BICC1: variants seen among roughly 807,000 people sequenced by gnomAD.
BICC1 encodes BicC family RNA binding protein 1, also known as protein bicaudal C homolog 1.
BICC1 carries 43 observed loss-of-function variants against 111.0 expected under a neutral mutation model. The observed-to-expected ratio is 0.39, with a 90% CI of 0.30 to 0.50. The LOEUF is 0.50. Ranked by LOEUF, BICC1 falls within the 20% of genes least tolerant of loss-of-function variation. BICC1 has a pLI of 0.88. For synonymous variants in BICC1, 467 were observed against 434.4 expected (o/e 1.07, Z -0.93); for missense variants, 1,091 against 1,203.2 (o/e 0.91, Z 1.38).
Position 58,549,513 on chromosome 10 carries a change from CA to C in BICC1, c.190+36181del, listed in dbSNP as rs538258265. Among the ~76,000 whole-genome samples, 17 of 152,054 alleles carry C rather than the reference CA, an allele frequency of 1.1e-4. No individual in the cohort carries two copies. In the South Asian group the frequency reaches 3.5e-3, roughly 32 times the overall value. On this transcript the variant is annotated intron_variant, in intron 1 of 20. Transcript: ENST00000373886. ...TTTTAATAGATGTCTAGTAGTATCT[CA>C]TCATTTTAATTTGTATTTCCCTAAT...
At chr10:58,603,808 T>A (rs1845120547) in intron 1 of BICC1, among the ~76,000 whole-genome samples, 1 of 152,180 alleles carries the variant, frequency 6.6e-6, no homozygotes, top group African/African-American at 2.4e-5. Flanking sequence ...AATAACATTC[T>A]GTTCGTTCAA....
At chr10:58,664,969 A>G (rs1564540710) in intron 2 of BICC1, among the ~76,000 whole-genome samples, 1 of 152,148 alleles carries the variant, frequency 6.6e-6, no homozygotes, top group South Asian at 2.1e-4. Context: ...ATTGAGCTTA[A>G]TATGAGTCCC....
chr10:58,763,687 C>A (rs941954666), intron 3 of BICC1, among the ~76,000 whole-genome samples: 3 of 151,934 alleles, frequency 2.0e-5, no homozygotes, highest in South Asian at 2.1e-4. Context: ...CTGTGGAGAT[C>A]CCCATTGCAC....
At chr10:58,651,989 G>A (rs1838464186) in intron 2 of BICC1, among the ~76,000 whole-genome samples, 1 of 152,066 alleles carries the variant, frequency 6.6e-6, no homozygotes, top group South Asian at 2.1e-4. Context: ...ACCACCCAGA[G>A]GGCCATTCCA....
At chr10:58,665,802 GC>G (rs1293868109) in intron 2 of BICC1, among the ~76,000 whole-genome samples, 6 of 152,084 alleles carry the variant, frequency 3.9e-5, no homozygotes, top group Non-Finnish European at 7.4e-5. Flanking sequence ...GCAAATGCTG[GC>G]TCTAGCCCTA....
chr10:58,758,536 C>T (rs1324368064), intron 3 of BICC1, among the ~76,000 whole-genome samples: 1 of 152,184 alleles, frequency 6.6e-6, no homozygotes, highest in South Asian at 2.1e-4. Context: ...AAAGGCAGTT[C>T]ACTGTTCTTC....
chr10:58,801,543 T>G (rs935671688), intron 14 of BICC1, among the ~76,000 whole-genome samples: 21 of 151,744 alleles, frequency 1.4e-4, no homozygotes, highest in African/African-American at 4.9e-4. Flanking sequence ...TATTAAATAT[T>G]AAATATAACT....
intron 20 of BICC1, among the ~76,000 whole-genome samples, chr10:58,822,118 T>G (rs1844267798): frequency 6.6e-6 from 1 of 152,166 alleles, no homozygotes; most frequent in Admixed American, 6.6e-5. Flanking sequence ...ATGAAATTTA[T>G]TTGCAGTTTG....
chr10:58,520,564 A>G lies in BICC1; in HGVS notation c.190+7231A>G, dbSNP rs77655315. Among the ~76,000 whole-genome samples, 778 of 152,250 alleles carry G rather than the reference A, an allele frequency of 5.1e-3. 12 individuals are homozygous for G. Among genetic ancestry groups the G allele is most frequent in the African/African-American group, 0.018 (731 of 41,546 alleles). On this transcript the variant is annotated intron_variant, in intron 1 of 20. Transcript: ENST00000373886. ...TGATGCTGGCATATAAAAAGATAAC[A>G]CTTTCTAGGTATCAGGTGGTTTCCC...
chr10:58,689,909 T>C (rs1427877885), intron 2 of BICC1, among the ~76,000 whole-genome samples: 1 of 152,192 alleles, frequency 6.6e-6, no homozygotes, highest in African/African-American at 2.4e-5. Flanking sequence ...GCTCATTAGG[T>C]GTTTTTTACC....
At chr10:58,816,705 T>C (rs1428707175) in intron 18 of BICC1, among the ~76,000 whole-genome samples, 1 of 151,672 alleles carries the variant, frequency 6.6e-6, no homozygotes, top group East Asian at 1.9e-4. Context: ...ATTATTGGTC[T>C]GGGAGGTGGA....
intron 1 of BICC1, among the ~76,000 whole-genome samples, chr10:58,546,356 T>G (rs969906222): frequency 6.6e-6 from 1 of 152,218 alleles, no homozygotes; most frequent in South Asian, 2.1e-4. Flanking sequence ...GTTGTTGTCC[T>G]GTGAAAATGC....
chr10:58,548,269 G>A (rs1843193246), intron 1 of BICC1, among the ~76,000 whole-genome samples: 1 of 152,174 alleles, frequency 6.6e-6, no homozygotes. Flanking sequence ...CCAGTATACA[G>A]TATAATAGTG....
At chr10:58,545,432 AAAT>A in intron 1 of BICC1, among the ~76,000 whole-genome samples, 1 of 152,306 alleles carries the variant, frequency 6.6e-6, no homozygotes, top group Admixed American at 6.5e-5. Flanking sequence ...TACTTTACAT[AAAT>A]AATAATCAGA....
At chr10:58,679,339 A>C (rs1314636506) in intron 2 of BICC1, among the ~76,000 whole-genome samples, 1 of 152,196 alleles carries the variant, frequency 6.6e-6, no homozygotes, top group African/African-American at 2.4e-5. Context: ...CAAAATTAAA[A>C]AAGATAAAGG....
At chr10:58,663,948 TA>T (rs1182509094) in intron 2 of BICC1, among the ~76,000 whole-genome samples, 2 of 152,094 alleles carry the variant, frequency 1.3e-5, no homozygotes, top group Non-Finnish European at 2.9e-5. Flanking sequence ...TATATCACAT[TA>T]AAAACATTCA....
intron 1 of BICC1, among the ~76,000 whole-genome samples, chr10:58,616,008 A>G (rs1845591458): frequency 6.6e-6 from 1 of 152,170 alleles, no homozygotes; most frequent in South Asian, 2.1e-4. Context: ...CTCCAGGTGC[A>G]GGCTGGGTGC....
intron 1 of BICC1, among the ~76,000 whole-genome samples, chr10:58,518,931 T>C (rs1312731505): frequency 6.6e-6 from 1 of 152,178 alleles, no homozygotes; most frequent in Non-Finnish European, 1.5e-5. Flanking sequence ...GTGAAGTTGA[T>C]CATTGATAAA....
intron 1 of BICC1, among the ~76,000 whole-genome samples, chr10:58,527,108 A>G (rs1173339359): frequency 6.6e-6 from 1 of 152,136 alleles, no homozygotes. Context: ...TGACTTTTTA[A>G]TGATTGCCAT....
Sources: allele counts gnomAD v4.1 joint callset (sites outside exome capture counted in the v4.1 genomes callset), GRCh38; gene constraint gnomAD v4.1.1; transcripts MANE v1.5; gene names NCBI Gene and HGNC (gene_info 2026-07-23, HGNC 2026-07-21).